The following PCDHA3 variants were observed in gnomAD, a reference collection of about 807,000 sequenced individuals.
The protein encoded by PCDHA3 is protocadherin alpha 3.
A neutral mutation model predicts 62.2 loss-of-function variants in PCDHA3; 41 were observed. That is an observed-to-expected ratio of 0.66 (90% confidence interval 0.51 to 0.86). The LOEUF (loss-of-function observed/expected upper bound fraction) is 0.86, where lower values mean the gene tolerates loss of function less well. PCDHA3 is among the 40% of genes least tolerant of loss of function. PCDHA3 has a pLI of 0.00. For synonymous variants in PCDHA3, 640 were observed against 555.4 expected (o/e 1.15, Z -2.14); for missense variants, 1,304 against 1,241.2 (o/e 1.05, Z -0.76).
rs782537686 is a variant in PCDHA3, at chr5:140,967,852, C to T, written c.2395-11097C>T. 13 of 1,614,142 alleles carry T rather than the reference C, an allele frequency of 8.1e-6. No homozygotes were observed. The Middle Eastern group carries it at 1.2e-3, about 143-fold the overall frequency. On this transcript the variant is annotated intron_variant, in intron 1 of 3. Transcript: ENST00000522353. ...ACATCGTGGACGTGAATGACAATGC[C>T]CCAGAGGTGGTGCTCACGGACCTGT...
intron 1 of PCDHA3, chr5:140,869,898 C>T (rs782158709): frequency 6.2e-7 from 1 of 1,610,356 alleles, no homozygotes; most frequent in Non-Finnish European, 8.5e-7. Flanking sequence ...TCAAACTAAA[C>T]GCCACAGACC....
At position 140,812,147 on chromosome 5, in the gene PCDHA3, T is replaced by TTTGTTG. The variant is rs2126635624; in HGVS notation, c.2394+8568_2394+8573dup. The TTTGTTG allele has an allele frequency of 7.3e-5, 11 of 150,902 alleles. No individual in the cohort carries two copies. The East Asian group carries it at 1.2e-3, about 16-fold the overall frequency. The allele number at this position is 150,902 out of a possible 1,614,324, so 9.3% of individuals were successfully genotyped here. On this transcript the variant is annotated intron_variant, in intron 1 of 3. Transcript: ENST00000522353. ...CAGGAAAGATATCTGGTTTTGGGCTTTTGTTGTTGTTGTTGTTAGGAGGTT... is the reference window on the plus strand; with the variant it reads ...CAGGAAAGATATCTGGTTTTGGGCTTTTGTTGTTGTTGTTGTTGTTGTTAGGAGGTT...
chr5:140,842,319 A>G (rs1777874490), intron 1 of PCDHA3: 10 of 1,608,046 alleles, frequency 6.2e-6, no homozygotes, highest in Non-Finnish European at 8.5e-6. Context: ...ATGGCGGGTC[A>G]TTGCACCGTT....
In PCDHA3 at chr5:140,823,200, G is replaced by T. The variant is rs2150123368; in HGVS notation, c.2394+19609G>T. ...ACCCGCCAGGCTGCCACATCTTCAC[G>T]GTGTCTGCACGGGACGCGGACGCGC... On this transcript the variant is annotated intron_variant, in intron 1 of 3. Transcript: ENST00000522353. The T allele has an allele frequency of 9.9e-6, 16 of 1,613,742 alleles. No individual in the cohort carries two copies. In the South Asian group the frequency reaches 1.6e-4, roughly 17 times the overall value.
intron 1 of PCDHA3, among the ~76,000 whole-genome samples, chr5:140,846,656 G>C (rs1291638062): frequency 6.7e-6 from 1 of 149,228 alleles, no homozygotes; most frequent in East Asian, 1.9e-4. Context: ...TTACAGGCAT[G>C]AGCCACCGCG....
chr5:140,883,546 C>T (rs782071318), intron 1 of PCDHA3: 3 of 1,614,200 alleles, frequency 1.9e-6, no homozygotes, highest in Non-Finnish European at 1.7e-6. Flanking sequence ...TGGTGGTGAC[C>T]GCGCGGGACG....
intron 1 of PCDHA3, among the ~76,000 whole-genome samples, chr5:140,846,965 G>T (rs1780782789): frequency 6.7e-6 from 1 of 149,528 alleles, no homozygotes; most frequent in South Asian, 2.1e-4. Flanking sequence ...TGTTTCAGTG[G>T]TTTTAAAATA....
chr5:140,841,897 T>C (rs1403032733), intron 1 of PCDHA3: 2 of 1,613,728 alleles, frequency 1.2e-6, no homozygotes, highest in Middle Eastern at 1.6e-4. Context: ...ATAAACTGGT[T>C]GAGCTCGTAT....
chr5:140,940,265 C>T (rs782351194), intron 1 of PCDHA3, among the ~76,000 whole-genome samples: 1 of 152,116 alleles, frequency 6.6e-6, no homozygotes, highest in Non-Finnish European at 1.5e-5. Flanking sequence ...CTTCTGGGTT[C>T]CACTGTTGTC....
rs1554148289 is a variant in PCDHA3, at chr5:140,856,164, G to A, written c.2394+52573G>A. 5.0e-6 allele frequency: 8 copies of A among 1,598,390 alleles called. 1 individual carries two copies. Among genetic ancestry groups the A allele is most frequent in the Non-Finnish European group, 6.8e-6 (8 of 1,167,930 alleles). On this transcript the variant is annotated intron_variant, in intron 1 of 3. Coordinates refer to ENST00000522353, the MANE Select transcript of PCDHA3 (RefSeq NM_018906.3). ...CACTACTCAGTCTACGAGGAGGCCA[G>A]ACACGGCACCTTCGTGGGCCGCATC...
Position 140,843,085 on chromosome 5 carries a change from C to T in PCDHA3, c.2394+39494C>T, listed in dbSNP as rs2150352201. 8.1e-6 allele frequency: 13 copies of T among 1,595,414 alleles called. 1 individual carries two copies. In the African/African-American group the frequency reaches 1.1e-4, roughly 13 times the overall value. ...TGGTGCCGCGGTCTGTGGGCGCGGGCCACGTGGTAGCGAAGGTGCGCGCAG... is the reference window on the plus strand; with the variant it reads ...TGGTGCCGCGGTCTGTGGGCGCGGGTCACGTGGTAGCGAAGGTGCGCGCAG... On this transcript the variant is annotated intron_variant, in intron 1 of 3. Coordinates refer to ENST00000522353, the MANE Select transcript of PCDHA3 (RefSeq NM_018906.3).
rs1207145020 is a variant in PCDHA3, at chr5:140,966,511, A to G, written c.2395-12438A>G. On this transcript the variant is annotated intron_variant, in intron 1 of 3. Coordinates refer to ENST00000522353, the MANE Select transcript of PCDHA3 (RefSeq NM_018906.3). ...CCCCTGGAGCTGTAGCGGCAGCAGC[A>G]GCAGGAAGCCGAGCCGGGTTGAGCG... The G allele has an allele frequency of 7.1e-5, 31 of 433,774 alleles. No homozygotes were observed. In the East Asian group the frequency reaches 1.1e-3, roughly 15 times the overall value. 26.9% of individuals were successfully genotyped at this position (433,774 alleles called of 1,614,324 possible). A position where few individuals can be genotyped will look rare whatever the true frequency, so the allele number is the denominator to read the frequency against.
At chr5:140,821,291 C>T (rs1237221599) in intron 1 of PCDHA3, among the ~76,000 whole-genome samples, 2 of 152,082 alleles carry the variant, frequency 1.3e-5, no homozygotes, top group Non-Finnish European at 2.9e-5. Context: ...ATATAAACTC[C>T]TCCCTATATA....
At chr5:140,884,422 T>C (rs1470374467) in intron 1 of PCDHA3, 15 of 1,613,860 alleles carry the variant, frequency 9.3e-6, no homozygotes, top group Middle Eastern at 1.6e-4. Context: ...TGCTGCTGTA[T>C]ACTGCGCTGC....
chr5:140,928,109 A>G (rs1472439079), intron 1 of PCDHA3: 1 of 1,614,104 alleles, frequency 6.2e-7, no homozygotes, highest in Middle Eastern at 1.6e-4. Flanking sequence ...CTGGACCGGG[A>G]GCAGATCAGT....
chr5:140,870,469 C>T, intron 1 of PCDHA3: 1 of 1,614,246 alleles, frequency 6.2e-7, no homozygotes. Context: ...TGCGTTCGCA[C>T]AGCCCGAGTA....
chr5:140,966,800 G>T, intron 1 of PCDHA3: 1 of 1,540,654 alleles, frequency 6.5e-7, no homozygotes, highest in East Asian at 2.4e-5. Flanking sequence ...TGCGGCGACA[G>T]AGCATCCACG....
chr5:140,977,750 G>A (rs2096773664), intron 1 of PCDHA3, among the ~76,000 whole-genome samples: 1 of 152,142 alleles, frequency 6.6e-6, no homozygotes, highest in South Asian at 2.1e-4. Context: ...GAAGAAATGT[G>A]TTTATTAAAT....
chr5:140,950,668 T>C (rs185130303), intron 1 of PCDHA3, among the ~76,000 whole-genome samples: 5 of 152,238 alleles, frequency 3.3e-5, no homozygotes, highest in African/African-American at 9.6e-5. Flanking sequence ...TTATCAAACA[T>C]GTACATGTAT....
Sources: allele counts gnomAD v4.1 joint callset (sites outside exome capture counted in the v4.1 genomes callset), GRCh38; gene constraint gnomAD v4.1.1; transcripts MANE v1.5; gene names NCBI Gene and HGNC (gene_info 2026-07-23, HGNC 2026-07-21).